Variants in SLC4A1AP observed in about 807,000 individuals in gnomAD.
SLC4A1AP encodes the protein solute carrier family 4 member 1 adaptor protein.
SLC4A1AP carries 64 observed loss-of-function variants against 89.7 expected under a neutral mutation model. The ratio of observed to expected loss-of-function variants is 0.71; its 90% CI spans 0.58 to 0.88. The LOEUF is 0.88. SLC4A1AP is among the 40% of genes least tolerant of loss of function. The probability of loss-of-function intolerance (pLI) is 0.00; values close to 1 mark genes in which losing one functional copy is unlikely to be tolerated. For synonymous variants in SLC4A1AP, 366 were observed against 353.3 expected, an observed-to-expected ratio of 1.04 and a Z score of -0.40; for missense variants, 931 against 965.0, an observed-to-expected ratio of 0.96 and a Z score of 0.47.
intron 1 of SLC4A1AP, 143 bp from the exon 2 acceptor site, chr2:27,664,957 T>A (rs1675284821): frequency 1.7e-6 from 1 of 589,840 alleles, no homozygotes; most frequent in Non-Finnish European, 2.9e-6. Context: ...CTCAGGAGGC[T>A]GAGGTGGGAG....
intron 6 of SLC4A1AP, 72 bp downstream of exon 6, chr2:27,675,764 A>T (rs1446211652): frequency 1.1e-5 from 11 of 993,996 alleles, no homozygotes; most frequent in Non-Finnish European, 1.5e-5. Context: ...TATTATTTAA[A>T]TATGTTTTAT....
chr2:27,670,282 G>A (rs771221664), intron 5 of SLC4A1AP, among the ~76,000 whole-genome samples: 1 of 151,836 alleles, frequency 6.6e-6, no homozygotes, highest in Non-Finnish European at 1.5e-5. Flanking sequence ...ACAGGCATGA[G>A]CCACTGCGCC....
exon 1 of SLC4A1AP, chr2:27,664,358 G>A (rs781256364): frequency 6.2e-7 from 1 of 1,614,220 alleles, no homozygotes; most frequent in Admixed American, 1.7e-5. Flanking sequence ...TGTGCCTGGA[G>A]CACCCTTCGG....
chr2:27,680,096 G>A (rs1033877907), intron 8 of SLC4A1AP, among the ~76,000 whole-genome samples: 56 of 152,274 alleles, frequency 3.7e-4, no homozygotes, highest in African/African-American at 1.0e-3. Context: ...TCTGGGAAGG[G>A]TGCAGGTGTG....
exon 8 of SLC4A1AP, chr2:27,677,903 C>T: frequency 3.7e-6 from 6 of 1,600,846 alleles, no homozygotes; most frequent in Non-Finnish European, 5.1e-6. Context: ...GTAAAGCCAG[C>T]AGAGATTCCA....
At chr2:27,665,239 A>G in exon 2 of SLC4A1AP, 1 of 1,613,114 alleles carries the variant, frequency 6.2e-7, no homozygotes, top group Non-Finnish European at 8.5e-7. Flanking sequence ...GATACCTCTG[A>G]AAGGAAGATA....
intron 12 of SLC4A1AP, among the ~76,000 whole-genome samples, chr2:27,689,383 G>A (rs1226062287): frequency 6.6e-6 from 1 of 152,120 alleles, no homozygotes; most frequent in Non-Finnish European, 1.5e-5. Context: ...GAGGACCCAG[G>A]TCTCAGCGTA....
At chr2:27,671,862 AAG>A (rs1414886658) in intron 5 of SLC4A1AP, among the ~76,000 whole-genome samples, 6 of 152,238 alleles carry the variant, frequency 3.9e-5, no homozygotes, top group Non-Finnish European at 8.8e-5. Context: ...ATTTCAGAGA[AAG>A]AGTGTATAGG....
At chr2:27,664,240 C>T (rs1230052507) in exon 1 of SLC4A1AP, 8 of 1,614,088 alleles carry the variant, frequency 5.0e-6, no homozygotes, top group Non-Finnish European at 6.8e-6. Flanking sequence ...GGTGGCCCTG[C>T]CACAGCCCCC....
chr2:27,687,427 TA>T (rs892277463), intron 10 of SLC4A1AP, among the ~76,000 whole-genome samples: 62 of 144,824 alleles, frequency 4.3e-4, no homozygotes, highest in Admixed American at 4.1e-4. Flanking sequence ...TACAAAAAAT[TA>T]AAAAAAAAAA....
At chr2:27,685,241 A>G (rs1255341582) in exon 10 of SLC4A1AP, 1 of 1,613,274 alleles carries the variant, frequency 6.2e-7, no homozygotes, top group Non-Finnish European at 8.5e-7. Context: ...GAGGCCTCCC[A>G]CAGATCTCAC....
At chr2:27,677,654 G>T in intron 7 of SLC4A1AP, 84 bp from the exon 8 acceptor site, 4 of 1,157,302 alleles carry the variant, frequency 3.5e-6, no homozygotes, top group East Asian at 2.4e-5. Flanking sequence ...TTTTATGTTA[G>T]TGACTTTTAT....
At chr2:27,676,249 T>G (rs1048479066) in intron 6 of SLC4A1AP, among the ~76,000 whole-genome samples, 2 of 152,210 alleles carry the variant, frequency 1.3e-5, no homozygotes, top group African/African-American at 4.8e-5. Flanking sequence ...TTGGTGGGAA[T>G]GTACAATACA....
At chr2:27,679,592 A>C (rs1675585779) in intron 8 of SLC4A1AP, among the ~76,000 whole-genome samples, 1 of 152,140 alleles carries the variant, frequency 6.6e-6, no homozygotes, top group African/African-American at 2.4e-5. Context: ...ACAGAGCGAG[A>C]CTCCATCTCA....
At chr2:27,681,214 T>C (rs1299822234) in intron 8 of SLC4A1AP, among the ~76,000 whole-genome samples, 1 of 152,230 alleles carries the variant, frequency 6.6e-6, no homozygotes, top group Non-Finnish European at 1.5e-5. Context: ...AGGATAATGA[T>C]TTGACAAAAT....
chr2:27,688,838 T>A (rs1675746637), intron 12 of SLC4A1AP, 71 bp downstream of exon 12: 2 of 1,143,612 alleles, frequency 1.7e-6, no homozygotes, highest in African/African-American at 3.1e-5. Flanking sequence ...AAAGTGAATC[T>A]TTGGAGACTG....
At chr2:27,683,264 A>C (rs1675649311) in intron 9 of SLC4A1AP, among the ~76,000 whole-genome samples, 1 of 152,122 alleles carries the variant, frequency 6.6e-6, no homozygotes, top group Non-Finnish European at 1.5e-5. Context: ...TTTTTGCTTT[A>C]TCTATATTCC....
intron 2 of SLC4A1AP, among the ~76,000 whole-genome samples, chr2:27,666,359 A>ACC (rs1553363258): frequency 3.6e-3 from 12 of 3,366 alleles, no homozygotes; most frequent in Non-Finnish European, 5.4e-3. Flanking sequence ...TCCACCCCCC[A>ACC]CCCCCCCCCC....
At chr2:27,688,584 G>A (rs1675742004) in intron 11 of SLC4A1AP, 116 bp from the exon 12 acceptor site, 2 of 687,944 alleles carry the variant, frequency 2.9e-6, no homozygotes, top group Non-Finnish European at 5.0e-6. Flanking sequence ...GTTGAGAATT[G>A]CATTGTCATG....
Sources: gnomAD v4.1 joint callset for allele counts (sites outside exome capture counted in the v4.1 genomes callset) on GRCh38, gnomAD v4.1.1 for gene constraint, MANE v1.5 for transcripts, NCBI Gene and HGNC (gene_info 2026-07-23, HGNC 2026-07-21) for gene names.